TRAP1: variants seen among roughly 807,000 people sequenced by gnomAD.
TRAP1 encodes TNF receptor associated protein 1.
TRAP1 carries 102 observed loss-of-function variants against 89.1 expected under a neutral mutation model. The ratio of observed to expected loss-of-function variants is 1.15; its 90% CI spans 0.98 to 1.35. The LOEUF (loss-of-function observed/expected upper bound fraction) is 1.35, where lower values mean the gene tolerates loss of function less well. Among genes scored for constraint, TRAP1 ranks in the 40% most tolerant of loss-of-function variants. TRAP1 has a pLI of 0.00. For synonymous variants in TRAP1, 508 were observed against 388.0 expected (o/e 1.31, Z -3.64); for missense variants, 1,256 against 945.3 (o/e 1.33, Z -4.31).
At chr16:3,660,462 G>C (rs898444414) in intron 16 of TRAP1, 2 of 151,766 alleles carry the variant, frequency 1.3e-5, no homozygotes, top group African/African-American at 2.4e-5. Flanking sequence ...GACAGAGCAA[G>C]ACCCTGTCTC....
chr16:3,707,652 G>A (rs1322743225), intron 1 of TRAP1, among the ~76,000 whole-genome samples: 2 of 149,248 alleles, frequency 1.3e-5, no homozygotes, highest in Non-Finnish European at 1.5e-5. Context: ...TCAGGAGTTC[G>A]AGACCAGCCT....
intron 4 of TRAP1, among the ~76,000 whole-genome samples, chr16:3,681,725 T>C (rs753223926): frequency 5.9e-5 from 9 of 152,218 alleles, no homozygotes; most frequent in Non-Finnish European, 1.2e-4. Context: ...AGGGAAAGGT[T>C]AATGTTAGAC....
intron 1 of TRAP1, among the ~76,000 whole-genome samples, chr16:3,716,318 G>C (rs1037296762): frequency 1.6e-4 from 25 of 152,288 alleles, no homozygotes; most frequent in Admixed American, 5.2e-4. Flanking sequence ...AAATGCATAG[G>C]CTCTGAAATA....
At chr16:3,659,192 G>A (rs766656931) in intron 16 of TRAP1, 28 of 246,180 alleles carry the variant, frequency 1.1e-4, no homozygotes, top group Non-Finnish European at 1.7e-4. Context: ...AGACCCACAT[G>A]TTGAAACATA....
intron 1 of TRAP1, 61 bp from the exon 2 acceptor site, chr16:3,691,046 A>C: frequency 7.2e-7 from 1 of 1,395,562 alleles, no homozygotes; most frequent in Non-Finnish European, 9.5e-7. Context: ...CAATATGGTA[A>C]TTCGTCCCAT....
In TRAP1 at chr16:3,663,518, G is replaced by C. The variant is rs2050740729; in HGVS notation, c.1614C>G (p.His538Gln). The C allele has an allele frequency of 6.2e-7, 1 of 1,613,952 alleles. No individual in the cohort carries two copies. Among genetic ancestry groups the C allele is most frequent in the Admixed American group, 1.7e-5 (1 of 59,994 alleles). ...FEQFDELTLL[H>Q]LREFDKKKLI... ...GCTTCTTCTTGTCAAACTCACGAAG[G>C]TGCAGCAGGGTGAGCTCATCAAACT... Residue 538 changes from histidine to glutamine, a missense_variant, in exon 14 of 18, where the codon CAC becomes CAG. Coordinates refer to ENST00000246957, the MANE Select transcript of TRAP1 (RefSeq NM_016292.3).
At position 3,680,373 on chromosome 16, in the gene TRAP1, T is replaced by G. The variant is rs553161792; in HGVS notation, c.472-583A>C. ...GAAAAGAAAATATTACACCAGCAAT[T>G]AGGAAAAGCACAGCTCTCCCACCAT... On this transcript the variant is annotated intron_variant, in intron 4 of 17. Coordinates refer to ENST00000246957, the MANE Select transcript of TRAP1 (RefSeq NM_016292.3). Among the ~76,000 whole-genome samples, 11 of 152,312 alleles carry G rather than the reference T, an allele frequency of 7.2e-5. No individual in the cohort carries two copies. The South Asian group carries it at 2.3e-3, about 32-fold the overall frequency.
At chr16:3,663,073 A>G in intron 14 of TRAP1, 106 bp from the exon 15 acceptor site, 1 of 846,968 alleles carries the variant, frequency 1.2e-6, no homozygotes, top group South Asian at 1.7e-5. Flanking sequence ...TCCCACCAGG[A>G]TGGAGACACA....
intron 10 of TRAP1, 102 bp downstream of exon 10, chr16:3,672,598 G>A (rs1431778818): frequency 7.6e-6 from 11 of 1,446,556 alleles, no homozygotes; most frequent in Admixed American, 2.6e-5. Flanking sequence ...CGGTGCTCTC[G>A]CTGCAGAGGG....
chr16:3,664,301 A>C lies in TRAP1; in HGVS notation c.1542T>G (p.Tyr514Ter). 1.2e-6 allele frequency: 2 copies of C among 1,605,854 alleles called. No homozygotes were observed. The highest frequency in any genetic ancestry group is 1.7e-5 in the Admixed American group (1 of 57,396). The change falls in exon 13 of 18, where the codon TAT becomes TAG. Residue 514 changes from tyrosine (Y) to a stop codon, truncating the protein, a stop_gained. Coordinates refer to ENST00000246957, the MANE Select transcript of TRAP1 (RefSeq NM_016292.3). LOFTEE classifies it high-confidence loss of function. ...NRHLAEHSPY[Y>*]EAMKKKDTEV... ...CTGTGTCTTTCTTCTTCATGGCCTC[A>C]TAGTAGGGTGAGTGCTCTGCCAGGT...
intron 1 of TRAP1, among the ~76,000 whole-genome samples, chr16:3,700,049 A>G (rs1298907013): frequency 6.6e-6 from 1 of 152,066 alleles, no homozygotes; most frequent in African/African-American, 2.4e-5. Context: ...TGGTTAATGT[A>G]TAATTTATCT....
chr16:3,695,178 T>A (rs2051269448), intron 1 of TRAP1, among the ~76,000 whole-genome samples: 1 of 152,184 alleles, frequency 6.6e-6, no homozygotes. Flanking sequence ...TATGGTCACA[T>A]TCACAGGTAC....
chr16:3,711,352 G>C (rs1451720041), intron 1 of TRAP1, among the ~76,000 whole-genome samples: 1 of 152,116 alleles, frequency 6.6e-6, no homozygotes, highest in Admixed American at 6.6e-5. Flanking sequence ...TGTAATCCCA[G>C]CACTTTGGGA....
chr16:3,716,084 A>C (rs777538930), intron 1 of TRAP1, among the ~76,000 whole-genome samples: 7 of 152,096 alleles, frequency 4.6e-5, no homozygotes, highest in Non-Finnish European at 1.0e-4. Context: ...GCTGGTCTTG[A>C]ACTCCTGATC....
rs576206195 is a variant in TRAP1, at chr16:3,666,624, G to C, written c.1236-506C>G. 1.3e-4 allele frequency among the ~76,000 whole-genome samples: 19 copies of C among 151,828 alleles called. No individual in the cohort carries two copies. In the South Asian group the frequency reaches 3.1e-3, roughly 25 times the overall value. On this transcript the variant is annotated intron_variant, in intron 11 of 17. Coordinates refer to ENST00000246957, the MANE Select transcript of TRAP1 (RefSeq NM_016292.3). ...CATGAGAAAGTTAGCTGTGTTGAAA[G>C]AAAACCCAGAAAAATCCCAATGTGG...
intron 13 of TRAP1, 141 bp from the exon 14 acceptor site, chr16:3,663,703 G>C: frequency 9.9e-7 from 1 of 1,012,588 alleles, no homozygotes; most frequent in Non-Finnish European, 1.4e-6. Flanking sequence ...TCCTAGGCCT[G>C]CATGACAGTT....
At chr16:3,673,588 A>G (rs998118407) in intron 9 of TRAP1, among the ~76,000 whole-genome samples, 1 of 152,062 alleles carries the variant, frequency 6.6e-6, no homozygotes, top group Admixed American at 6.5e-5. Flanking sequence ...GGGAGATCTT[A>G]TTAAAATGTG....
chr16:3,711,067 G>C (rs1047249726), intron 1 of TRAP1, among the ~76,000 whole-genome samples: 1 of 151,080 alleles, frequency 6.6e-6, no homozygotes, highest in South Asian at 2.1e-4. Flanking sequence ...GTAGAGATGG[G>C]GGTCTCTCTA....
chr16:3,711,938 C>T (rs2051536902), intron 1 of TRAP1, among the ~76,000 whole-genome samples: 1 of 152,122 alleles, frequency 6.6e-6, no homozygotes, highest in Non-Finnish European at 1.5e-5. Context: ...TGGCTTTGAA[C>T]CCAAAAGCAC....
Sources: gnomAD v4.1 joint callset for allele counts (sites outside exome capture counted in the v4.1 genomes callset) on GRCh38, gnomAD v4.1.1 for gene constraint, MANE v1.5 for transcripts, NCBI Gene and HGNC (gene_info 2026-07-23, HGNC 2026-07-21) for gene names.